Variants in CFH observed in about 807,000 individuals in gnomAD.
CFH encodes H factor 1 (complement).
Under a neutral mutation model 147.3 loss-of-function variants are expected in CFH, and 53 were observed. That is an observed-to-expected ratio of 0.36 (90% CI 0.29 to 0.45). CFH has a LOEUF of 0.45. Among genes scored for constraint, CFH ranks in the 20% least tolerant of loss-of-function variants. The pLI is 1.00. For synonymous variants in CFH, 536 were observed against 489.4 expected, an observed-to-expected ratio of 1.10 and a Z score of -1.26; for missense variants, 1,380 against 1,498.0, an observed-to-expected ratio of 0.92 and a Z score of 1.30.
chr1:196,710,855 C>A (rs530254655), intron 9 of CFH, among the ~76,000 whole-genome samples: 2 of 151,818 alleles, frequency 1.3e-5, no homozygotes, highest in Non-Finnish European at 2.9e-5. Flanking sequence ...CATCCATCAA[C>A]GAAAAATTCA....
intron 1 of CFH, among the ~76,000 whole-genome samples, chr1:196,653,615 TAA>T (rs1023961495): frequency 1.3e-5 from 2 of 152,052 alleles, no homozygotes; most frequent in African/African-American, 4.8e-5. Context: ...ATAAACAGTT[TAA>T]GTTATTAAAA....
intron 9 of CFH, among the ~76,000 whole-genome samples, chr1:196,700,292 A>G (rs568233359): frequency 1.3e-5 from 2 of 152,298 alleles, no homozygotes; most frequent in East Asian, 3.9e-4. Flanking sequence ...TCTCTGTTGC[A>G]AACTCCACTG....
At chr1:196,661,493 G>T (rs1224758301) in intron 1 of CFH, among the ~76,000 whole-genome samples, 2 of 152,168 alleles carry the variant, frequency 1.3e-5, no homozygotes, top group African/African-American at 4.8e-5. Flanking sequence ...GTTTGGTGAG[G>T]TCTGCTCTCT....
intron 6 of CFH, among the ~76,000 whole-genome samples, chr1:196,682,664 G>A (rs1363046874): frequency 6.6e-6 from 1 of 151,178 alleles, no homozygotes; most frequent in Non-Finnish European, 1.5e-5. Context: ...GAAGAATGAA[G>A]TGACAGAAAA....
chr1:196,704,570 T>C (rs1668541538), intron 9 of CFH, among the ~76,000 whole-genome samples: 1 of 152,168 alleles, frequency 6.6e-6, no homozygotes. Flanking sequence ...AAAAGGTTAG[T>C]CCGGAAACAT....
Position 196,685,862 on chromosome 1 carries a change from T to A in CFH, c.964+625T>A, listed in dbSNP as rs34639660. ...GAGAATAGAGGAAGCCACAATACCA[T>A]GTATTAGTGTGTTCTCACACTACTA... is the stretch of plus-strand genomic sequence containing the variant. On this transcript the variant is annotated intron_variant, in intron 7 of 21. Coordinates refer to ENST00000367429, the MANE Select transcript of CFH (RefSeq NM_000186.4). 3.0e-3 allele frequency among the ~76,000 whole-genome samples: 453 copies of A among 152,214 alleles called. 1 individual carries two copies. The highest frequency in any genetic ancestry group is 0.011 in the African/African-American group (437 of 41,558).
chr1:196,692,808 TTC>T (rs1444276027), intron 9 of CFH, among the ~76,000 whole-genome samples: 30 of 78,842 alleles, frequency 3.8e-4, no homozygotes, highest in South Asian at 9.2e-4. Context: ...CTTTCTTTCT[TTC>T]TTTCTTTCTT....
intron 1 of CFH, among the ~76,000 whole-genome samples, chr1:196,662,646 C>G (rs1666947336): frequency 6.6e-6 from 1 of 152,064 alleles, no homozygotes; most frequent in South Asian, 2.1e-4. Context: ...TTTTGGGAGG[C>G]TAAGGTGAGT....
At chr1:196,713,584 A>G in intron 9 of CFH, 151 bp from the exon 10 acceptor site, 1 of 547,810 alleles carries the variant, frequency 1.8e-6, no homozygotes, top group Non-Finnish European at 3.2e-6. Flanking sequence ...CTCTGAGCTT[A>G]TTTTCCTTGA....
intron 15 of CFH, 145 bp downstream of exon 15, chr1:196,728,667 T>A: frequency 1.3e-6 from 1 of 766,466 alleles, no homozygotes. Context: ...ATGAAAACAC[T>A]GTTCCTAATA....
intron 7 of CFH, among the ~76,000 whole-genome samples, chr1:196,687,272 A>T (rs1014434140): frequency 6.6e-6 from 1 of 152,104 alleles, no homozygotes; most frequent in Non-Finnish European, 1.5e-5. Context: ...TAGAAGTGTA[A>T]CAAGTAGAAT....
At chr1:196,684,609 T>G (rs1471918876) in intron 6 of CFH, among the ~76,000 whole-genome samples, 1 of 152,038 alleles carries the variant, frequency 6.6e-6, no homozygotes, top group Non-Finnish European at 1.5e-5. Flanking sequence ...TTACTTCCAC[T>G]TTTATTATAG....
rs145710191 is a variant in CFH, at chr1:196,732,354, C to T, written c.2413+3832C>T. On this transcript the variant is annotated intron_variant, in intron 15 of 21. Transcript: ENST00000367429. ...TTGTTTGGTATTTTAAAAATACTTT[C>T]TACCTCTTTGTTGAAGTAGTTAATT... is the stretch of plus-strand genomic sequence containing the variant. Among the ~76,000 whole-genome samples the T allele has an allele frequency of 9.5e-4, 144 of 151,958 alleles. 1 individual carries two copies. The highest frequency in any genetic ancestry group is 3.4e-3 in the Middle Eastern group (1 of 294).
chr1:196,714,635 GTATATA>G lies in CFH; in HGVS notation c.1519+747_1519+752del, dbSNP rs1176351357. Among the ~76,000 whole-genome samples the G allele has an allele frequency of 7.1e-3, 178 of 24,900 alleles. 8 individuals carry two copies. The highest frequency in any genetic ancestry group is 0.014 in the African/African-American group (82 of 5,988). 16.3% of individuals were successfully genotyped at this position (24,900 alleles called of 152,430 possible). On this transcript the variant is annotated intron_variant, in intron 10 of 21. Transcript: ENST00000367429. ...TGTGTGTGTGTGTATACGTATATAT[GTATATA>G]TATATATATATATATATATATATAT...
At chr1:196,670,129 A>G (rs545409054) in intron 1 of CFH, among the ~76,000 whole-genome samples, 1 of 152,298 alleles carries the variant, frequency 6.6e-6, no homozygotes, top group African/African-American at 2.4e-5. Flanking sequence ...GGATGGGAGC[A>G]TTTACCCAAT....
Position 196,731,855 on chromosome 1 carries a change from C to T in CFH, c.2413+3333C>T, listed in dbSNP as rs75832920. The stretch of plus-strand genomic sequence containing the variant: ...TGCAAGGTTTCTGTTGAGTAATCCA[C>T]TGATAGTCTTGTGGAAATTCCATTT... On this transcript the variant is annotated intron_variant, in intron 15 of 21. Coordinates refer to ENST00000367429, the MANE Select transcript of CFH (RefSeq NM_000186.4). 7.7e-4 allele frequency among the ~76,000 whole-genome samples: 117 copies of T among 152,082 alleles called. 1 individual carries two copies. The East Asian group carries it at 0.021, about 27-fold the overall frequency.
intron 9 of CFH, among the ~76,000 whole-genome samples, chr1:196,702,586 A>G (rs777623844): frequency 1.3e-4 from 20 of 151,862 alleles, no homozygotes; most frequent in Admixed American, 6.6e-5. Flanking sequence ...TTTGCCACAC[A>G]GAACCCTACC....
intron 9 of CFH, among the ~76,000 whole-genome samples, chr1:196,693,930 C>T (rs183625239): frequency 3.7e-4 from 56 of 149,380 alleles, no homozygotes; most frequent in Admixed American, 7.4e-4. Context: ...GGATACATAT[C>T]TAAGACTGGG....
rs1361736244 is a variant in CFH, at chr1:196,689,611, C to G, written c.1156C>G (p.Leu386Val). ...QDGWSPAVPC[L>V]RKCYFPYLEN... ...TGGATGGTCGCCAGCAGTACCATGCCTCAGTAAGTAAACCTCTGAACTGCT... is the reference window on the plus strand; with the variant it reads ...TGGATGGTCGCCAGCAGTACCATGCGTCAGTAAGTAAACCTCTGAACTGCT... Residue 386 changes from leucine to valine, a missense_variant, in exon 8 of 22, where the codon CTC (leucine) becomes GTC (valine). Around this residue, in one of 4 missense-constraint regions of CFH, gnomAD observed 167 missense variants for 228.0 expected, o/e 0.73. Coordinates refer to ENST00000367429, the MANE Select transcript of CFH (RefSeq NM_000186.4). 6.2e-7 allele frequency: 1 copy of G among 1,613,238 alleles called. No individual in the cohort carries two copies. The highest frequency in any genetic ancestry group is 1.7e-5 in the Admixed American group (1 of 59,924).
Sources: allele counts gnomAD v4.1 joint callset (sites outside exome capture counted in the v4.1 genomes callset), GRCh38; gene constraint gnomAD v4.1.1; regional missense constraint gnomAD v4.1.1; transcripts MANE v1.5; gene names NCBI Gene and HGNC (gene_info 2026-07-23, HGNC 2026-07-21).